Variants in NTRK2 observed in about 807,000 individuals in gnomAD.
The protein encoded by NTRK2 is neurotrophic receptor tyrosine kinase 2.
Under a neutral mutation model 94.5 loss-of-function variants are expected in NTRK2, and 13 were observed. The ratio of observed to expected loss-of-function variants is 0.14; its 90% CI spans 0.09 to 0.22. The LOEUF (loss-of-function observed/expected upper bound fraction) is 0.22. NTRK2 is among the 10% of genes least tolerant of loss of function. The pLI is 1.00. For missense variants in NTRK2, 639 were observed against 1,071.2 expected, an observed-to-expected ratio of 0.60 and a Z score of 5.63; for synonymous variants, 372 against 407.4, an observed-to-expected ratio of 0.91 and a Z score of 1.05.
intron 12 of NTRK2, among the ~76,000 whole-genome samples, chr9:84,786,549 G>C (rs1035339661): frequency 9.9e-5 from 15 of 151,946 alleles, no homozygotes; most frequent in African/African-American, 2.9e-4. Flanking sequence ...TCCAAAATAG[G>C]ATATGTTGTT....
At chr9:84,757,875 G>A (rs1021335876) in intron 12 of NTRK2, among the ~76,000 whole-genome samples, 6 of 151,962 alleles carry the variant, frequency 3.9e-5, no homozygotes, top group African/African-American at 1.5e-4. Flanking sequence ...TGTATTGCTA[G>A]GAGGAAAGAT....
chr9:84,822,533 T>A (rs1403059685), intron 12 of NTRK2, among the ~76,000 whole-genome samples: 1 of 151,940 alleles, frequency 6.6e-6, no homozygotes, highest in Non-Finnish European at 1.5e-5. Context: ...AACTCTTGGG[T>A]GAGAGAAACT....
intron 14 of NTRK2, among the ~76,000 whole-genome samples, chr9:84,924,633 A>C (rs1238109362): frequency 1.3e-5 from 2 of 152,236 alleles, no homozygotes; most frequent in African/African-American, 4.8e-5. Flanking sequence ...GTATTTTGAA[A>C]TGTGGTGTTC....
intron 6 of NTRK2, among the ~76,000 whole-genome samples, chr9:84,714,356 G>A (rs977639410): frequency 1.3e-5 from 2 of 152,056 alleles, no homozygotes; most frequent in African/African-American, 4.8e-5. Context: ...TGTCCACTTG[G>A]GGCTGTACTG....
At chr9:84,894,132 C>A (rs2076681424) in intron 14 of NTRK2, among the ~76,000 whole-genome samples, 1 of 142,590 alleles carries the variant, frequency 7.0e-6, no homozygotes, top group South Asian at 2.1e-4. Context: ...GAGACCCACA[C>A]TTGGGGGTGT....
At chr9:85,008,551 A>G (rs746263377) in intron 17 of NTRK2, among the ~76,000 whole-genome samples, 7 of 152,210 alleles carry the variant, frequency 4.6e-5, no homozygotes, top group Admixed American at 2.0e-4. Context: ...CTGAAGTCAC[A>G]CTTTATGTCA....
At chr9:84,686,192 T>C (rs1329446748) in intron 2 of NTRK2, among the ~76,000 whole-genome samples, 1 of 152,198 alleles carries the variant, frequency 6.6e-6, no homozygotes, top group Non-Finnish European at 1.5e-5. Context: ...AAGTGCACAG[T>C]GTTAGTTCAT....
At chr9:84,902,235 C>G (rs1394878006) in intron 14 of NTRK2, among the ~76,000 whole-genome samples, 1 of 151,638 alleles carries the variant, frequency 6.6e-6, no homozygotes, top group African/African-American at 2.4e-5. Flanking sequence ...AAAAGACTGC[C>G]ATCAATACTA....
intron 12 of NTRK2, among the ~76,000 whole-genome samples, chr9:84,783,435 ATCTACTG>A (rs2067806101): frequency 6.6e-6 from 1 of 152,204 alleles, no homozygotes; most frequent in Non-Finnish European, 1.5e-5. Context: ...AAGGGTTAGT[ATCTACTG>A]TCAGGGATTT....
intron 6 of NTRK2, among the ~76,000 whole-genome samples, chr9:84,711,010 CT>C (rs2061387813): frequency 1.3e-5 from 2 of 152,260 alleles, no homozygotes; most frequent in South Asian, 4.2e-4. Context: ...AAAAAGTACA[CT>C]GCTTATTCTT....
chr9:84,835,538 A>C (rs2073822162), intron 12 of NTRK2, among the ~76,000 whole-genome samples: 3 of 116,274 alleles, frequency 2.6e-5, no homozygotes, highest in Admixed American at 2.3e-4. Context: ...AAGAACAACA[A>C]GAACAACAAC....
rs79260404 is a variant in NTRK2, at chr9:84,793,952, T to G, written c.1396+41867T>G. Among the ~76,000 whole-genome samples the G allele has an allele frequency of 1.4e-3, 217 of 152,336 alleles. 2 individuals carry two copies. Among genetic ancestry groups the G allele is most frequent in the African/African-American group, 5.0e-3 (206 of 41,584 alleles). On this transcript the variant is annotated intron_variant, in intron 12 of 18. Coordinates refer to ENST00000277120, the MANE Select transcript of NTRK2 (RefSeq NM_006180.6). ...TCGAAGGCAGAACTGGAAATCCTAA[T>G]TATCTGGCCCTTTGCAGAAAAAACT... is the stretch of plus-strand genomic sequence containing the variant.
At chr9:84,912,125 G>C (rs759440962) in intron 14 of NTRK2, among the ~76,000 whole-genome samples, 8 of 151,988 alleles carry the variant, frequency 5.3e-5, no homozygotes, top group Non-Finnish European at 1.2e-4. Context: ...CATGATTTCA[G>C]TTTATTTAAA....
At chr9:84,964,608 T>G (rs1825342419) in intron 17 of NTRK2, among the ~76,000 whole-genome samples, 1 of 152,200 alleles carries the variant, frequency 6.6e-6, no homozygotes, top group East Asian at 1.9e-4. Flanking sequence ...CTAGCCACTT[T>G]GATCTCCCCA....
At chr9:84,888,237 C>T (rs1347769111) in intron 14 of NTRK2, among the ~76,000 whole-genome samples, 1 of 152,142 alleles carries the variant, frequency 6.6e-6, no homozygotes, top group African/African-American at 2.4e-5. Flanking sequence ...TTGCCATCTG[C>T]TAAGTGTTTC....
At chr9:84,855,397 G>C (rs779586762) in intron 12 of NTRK2, among the ~76,000 whole-genome samples, 1 of 152,040 alleles carries the variant, frequency 6.6e-6, no homozygotes, top group Admixed American at 6.6e-5. Context: ...TTATGTCTTC[G>C]TCTCTGTGGG....
At chr9:84,844,896 GA>G (rs59816362) in intron 12 of NTRK2, among the ~76,000 whole-genome samples, 4,937 of 146,274 alleles carry the variant, frequency 0.034, 269 homozygotes, top group African/African-American at 0.12. Flanking sequence ...ATTAAAATTT[GA>G]AAAAAAAAAT....
chr9:84,844,014 A>C (rs1329349901), intron 12 of NTRK2, among the ~76,000 whole-genome samples: 1 of 152,198 alleles, frequency 6.6e-6, no homozygotes, highest in Non-Finnish European at 1.5e-5. Context: ...TCACTACTGC[A>C]GTTGCTAGGG....
At chr9:85,015,550 A>G (rs1206245291) in intron 17 of NTRK2, among the ~76,000 whole-genome samples, 2 of 152,174 alleles carry the variant, frequency 1.3e-5, no homozygotes, top group Admixed American at 1.3e-4. Context: ...CCCATTAAAG[A>G]CATGGTATGC....
Sources: gnomAD v4.1 joint callset for allele counts (sites outside exome capture counted in the v4.1 genomes callset) on GRCh38, gnomAD v4.1.1 for gene constraint, MANE v1.5 for transcripts, NCBI Gene and HGNC (gene_info 2026-07-23, HGNC 2026-07-21) for gene names.